Variants in ARHGAP15 observed in about 807,000 individuals in gnomAD.
The protein encoded by ARHGAP15 is Rho GTPase activating protein 15, also known as rho GTPase-activating protein 15.
A neutral mutation model predicts 63.7 loss-of-function variants in ARHGAP15; 51 were observed. The observed-to-expected ratio is 0.80, with a 90% CI of 0.64 to 1.01. ARHGAP15 has a LOEUF of 1.01. ARHGAP15 is among the 50% of genes least tolerant of loss of function. The pLI is 0.00. For missense variants in ARHGAP15, 560 were observed against 564.6 expected (o/e 0.99, Z 0.08); for synonymous variants, 191 against 193.8 (o/e 0.99, Z 0.12).
intron 8 of ARHGAP15, among the ~76,000 whole-genome samples, chr2:143,462,110 A>G (rs915137659): frequency 6.6e-6 from 1 of 152,162 alleles, no homozygotes; most frequent in African/African-American, 2.4e-5. Flanking sequence ...CAGTGAGTCA[A>G]GGTCATGCCT....
At chr2:143,433,132 G>T (rs548967939) in intron 6 of ARHGAP15, among the ~76,000 whole-genome samples, 1 of 152,094 alleles carries the variant, frequency 6.6e-6, no homozygotes, top group South Asian at 2.1e-4. Flanking sequence ...ATTGTTCAAA[G>T]TGCAAATATG....
At chr2:143,512,811 C>A (rs1693647638) in intron 9 of ARHGAP15, among the ~76,000 whole-genome samples, 1 of 152,170 alleles carries the variant, frequency 6.6e-6, no homozygotes, top group Non-Finnish European at 1.5e-5. Flanking sequence ...TGGATCTGTT[C>A]CATTTGCCTC....
At chr2:143,250,964 A>G (rs1023407563) in intron 6 of ARHGAP15, among the ~76,000 whole-genome samples, 2 of 151,998 alleles carry the variant, frequency 1.3e-5, no homozygotes, top group African/African-American at 4.8e-5. Context: ...AGTATAAGCT[A>G]TTTACATTCA....
At chr2:143,392,035 CA>C (rs893082395) in intron 6 of ARHGAP15, among the ~76,000 whole-genome samples, 1 of 151,632 alleles carries the variant, frequency 6.6e-6, no homozygotes, top group African/African-American at 2.4e-5. Context: ...ACAAAAAAAA[CA>C]AAAAAAGGTG....
At chr2:143,750,403 T>G (rs1320420061) in intron 13 of ARHGAP15, among the ~76,000 whole-genome samples, 1 of 152,146 alleles carries the variant, frequency 6.6e-6, no homozygotes, top group Non-Finnish European at 1.5e-5. Context: ...ACAGTGCCAT[T>G]GCACTCCGGC....
At chr2:143,766,187 T>C (rs1278282836) in intron 13 of ARHGAP15, among the ~76,000 whole-genome samples, 2 of 152,180 alleles carry the variant, frequency 1.3e-5, no homozygotes, top group Non-Finnish European at 2.9e-5. Context: ...GGTTTCACTT[T>C]CCACGGTTTC....
intron 9 of ARHGAP15, among the ~76,000 whole-genome samples, chr2:143,490,604 CTTAT>C (rs1363968029): frequency 1.3e-5 from 2 of 152,102 alleles, no homozygotes; most frequent in Non-Finnish European, 2.9e-5. Context: ...GCTGTATTTT[CTTAT>C]TTATTTATTT....
chr2:143,536,710 T>G (rs1010331391), intron 10 of ARHGAP15, among the ~76,000 whole-genome samples: 5 of 152,156 alleles, frequency 3.3e-5, no homozygotes, highest in Middle Eastern at 3.4e-3. Context: ...AACTCATCAT[T>G]TTTTATGGCT....
intron 8 of ARHGAP15, among the ~76,000 whole-genome samples, chr2:143,471,008 AAAG>A (rs137934712): frequency 0.37 from 37,898 of 102,292 alleles, 5,715 homozygotes; most frequent in East Asian, 0.69. Flanking sequence ...GTGTATAGAT[AAAG>A]AAGATATGAA....
At chr2:143,326,693 T>G (rs1684266597) in intron 6 of ARHGAP15, among the ~76,000 whole-genome samples, 3 of 152,070 alleles carry the variant, frequency 2.0e-5, no homozygotes, top group Admixed American at 2.0e-4. Flanking sequence ...TTCTACCCTG[T>G]GATATTTAAA....
intron 6 of ARHGAP15, among the ~76,000 whole-genome samples, chr2:143,362,976 G>T (rs1686129702): frequency 6.6e-6 from 1 of 152,124 alleles, no homozygotes; most frequent in African/African-American, 2.4e-5. Context: ...TTCAAGAGTT[G>T]CCAGAATGAT....
At chr2:143,712,830 G>A (rs1366827276) in intron 13 of ARHGAP15, among the ~76,000 whole-genome samples, 1 of 149,152 alleles carries the variant, frequency 6.7e-6, no homozygotes, top group African/African-American at 2.5e-5. Flanking sequence ...ACAGGAATAA[G>A]TATAATCTAG....
chr2:143,195,573 T>C (rs1316454995), intron 2 of ARHGAP15, among the ~76,000 whole-genome samples: 1 of 152,174 alleles, frequency 6.6e-6, no homozygotes, highest in Non-Finnish European at 1.5e-5. Flanking sequence ...CAAATGAAGA[T>C]TTGAATGTAA....
chr2:143,153,843 T>TTCCTCCTCC (rs796483071), intron 1 of ARHGAP15, among the ~76,000 whole-genome samples: 1,466 of 86,732 alleles, frequency 0.017, 108 homozygotes, highest in East Asian at 0.029. Context: ...CTTCTTCTTC[T>TTCCTCCTCC]TCCTCCTCCT....
intron 13 of ARHGAP15, among the ~76,000 whole-genome samples, chr2:143,717,135 C>T (rs1273609426): frequency 1.3e-5 from 2 of 152,196 alleles, no homozygotes; most frequent in Admixed American, 1.3e-4. Flanking sequence ...ATGGTGCTGC[C>T]TTTTATCACC....
chr2:143,420,911 T>G (rs955001323), intron 6 of ARHGAP15, among the ~76,000 whole-genome samples: 3 of 152,164 alleles, frequency 2.0e-5, no homozygotes, highest in Admixed American at 2.0e-4. Flanking sequence ...TAGCTTTCGC[T>G]CCCATCACAC....
intron 1 of ARHGAP15, among the ~76,000 whole-genome samples, chr2:143,139,133 C>T (rs1219782453): frequency 6.6e-6 from 1 of 152,086 alleles, no homozygotes; most frequent in African/African-American, 2.4e-5. Context: ...CTAATTGTCA[C>T]TTGATACTTC....
At chr2:143,214,810 A>T (rs1574101421) in intron 3 of ARHGAP15, among the ~76,000 whole-genome samples, 1 of 151,986 alleles carries the variant, frequency 6.6e-6, no homozygotes, top group African/African-American at 2.4e-5. Flanking sequence ...AGGCAGAAAA[A>T]CTCTCACCTA....
intron 12 of ARHGAP15, among the ~76,000 whole-genome samples, chr2:143,672,350 C>G (rs766454491): frequency 3.9e-5 from 6 of 152,048 alleles, no homozygotes; most frequent in Non-Finnish European, 8.8e-5. Flanking sequence ...GACAAAAACC[C>G]ATAAAGTGGC....
Sources: gnomAD v4.1 joint callset for allele counts (sites outside exome capture counted in the v4.1 genomes callset) on GRCh38, gnomAD v4.1.1 for gene constraint, MANE v1.5 for transcripts, NCBI Gene and HGNC (gene_info 2026-07-23, HGNC 2026-07-21) for gene names.